COA1: variants seen among roughly 807,000 people sequenced by gnomAD.
The protein encoded by COA1 is cytochrome c oxidase assembly factor 1.
In COA1, 13 loss-of-function variants were observed where a neutral mutation model predicts 16.0. The observed-to-expected ratio is 0.81, with a 90% CI of 0.53 to 1.29. The LOEUF is 1.29. COA1 is among the 50% of genes most tolerant of loss of function. The pLI, the probability that COA1 is intolerant of heterozygous loss-of-function variation, is 0.00. For missense variants in COA1, 179 were observed against 177.0 expected, an observed-to-expected ratio of 1.01 and a Z score of -0.06; for synonymous variants, 65 against 65.7, an observed-to-expected ratio of 0.99 and a Z score of 0.05.
chr7:43,668,895 T>C (rs2190582), intron 1 of COA1, among the ~76,000 whole-genome samples: 22,345 of 152,232 alleles, frequency 0.15, 2,188 homozygotes, highest in Non-Finnish European at 0.21. Context: ...CTATTTGCAA[T>C]AGGGTTATAC....
rs2084665581 is a variant in COA1, at chr7:43,627,281, TG to T, written c.*133+12167del. Among the ~76,000 whole-genome samples the T allele has an allele frequency of 3.3e-5, 5 of 152,302 alleles. No individual in the cohort carries two copies. The South Asian group carries it at 1.0e-3, about 32-fold the overall frequency. On this transcript the variant is annotated intron_variant and NMD_transcript_variant, in intron 6 of 6. Transcript: ENST00000415076. ...GGTAATTAATACCTTTCTCTAGTAG[TG>T]GTATAGAGGAAGGACAGATGCTCAT...
At chr7:43,725,900 C>T (rs527839609) in intron 1 of COA1, among the ~76,000 whole-genome samples, 2 of 150,684 alleles carry the variant, frequency 1.3e-5, no homozygotes, top group African/African-American at 4.9e-5. Flanking sequence ...TATATTACTA[C>T]TACTGCCTTT....
intron 1 of COA1, among the ~76,000 whole-genome samples, chr7:43,684,321 G>A (rs185549393): frequency 9.9e-5 from 15 of 152,252 alleles, no homozygotes; most frequent in Admixed American, 1.3e-4. Flanking sequence ...CCTGCTGTGC[G>A]GCCGGGAGTG....
intron 6 of COA1, chr7:43,625,176 C>CTAGTAAA (rs2084372407): frequency 9.9e-6 from 2 of 201,706 alleles, no homozygotes; most frequent in South Asian, 2.3e-4. Context: ...GTAAAAGTGC[C>CTAGTAAA]AAAACTACAC....
chr7:43,642,699 T>C (rs2087509699), intron 4 of COA1, among the ~76,000 whole-genome samples: 1 of 152,214 alleles, frequency 6.6e-6, no homozygotes, highest in Admixed American at 6.5e-5. Flanking sequence ...GATGTGACAC[T>C]TTACAGGTTG....
intron 6 of COA1, among the ~76,000 whole-genome samples, chr7:43,611,165 T>C (rs1346399055): frequency 3.9e-5 from 6 of 152,236 alleles, no homozygotes; most frequent in Non-Finnish European, 7.3e-5. Context: ...GGTTGACTTC[T>C]ACAGCAAACT....
At chr7:43,619,801 C>T (rs888622709) in intron 6 of COA1, 2 of 1,504,840 alleles carry the variant, frequency 1.3e-6, no homozygotes, top group South Asian at 1.3e-5. Context: ...TGGCATGACT[C>T]ATAGTGGAGC....
intron 1 of COA1, among the ~76,000 whole-genome samples, chr7:43,655,757 A>G (rs1188019967): frequency 6.6e-6 from 1 of 152,102 alleles, no homozygotes; most frequent in Non-Finnish European, 1.5e-5. Flanking sequence ...AATTAATCCA[A>G]CTGGCTGTAT....
At chr7:43,623,628 T>C in intron 6 of COA1, 1 of 1,609,062 alleles carries the variant, frequency 6.2e-7, no homozygotes, top group Non-Finnish European at 8.5e-7. Context: ...GTGGTAAGAG[T>C]TATTAATGAA....
chr7:43,671,970 A>G (rs2093291183), intron 1 of COA1, among the ~76,000 whole-genome samples: 1 of 152,084 alleles, frequency 6.6e-6, no homozygotes, highest in Non-Finnish European at 1.5e-5. Flanking sequence ...TTTATAAATT[A>G]CCCAGTTTTG....
At chr7:43,656,701 CA>C (rs761659929) in intron 1 of COA1, among the ~76,000 whole-genome samples, 1 of 151,566 alleles carries the variant, frequency 6.6e-6, no homozygotes, top group Non-Finnish European at 1.5e-5. Context: ...TCTCAAAAAA[CA>C]AAAAAACAAA....
chr7:43,632,013 G>C (rs945787472), intron 6 of COA1: 2 of 152,230 alleles, frequency 1.3e-5, no homozygotes, highest in African/African-American at 2.4e-5. Context: ...CAACAGTGAA[G>C]TTTGCTGCAT....
rs750977139 is a variant in COA1, at chr7:43,624,595, T to C, written c.*133+14854A>G. The stretch of plus-strand genomic sequence containing the variant: ...AGTATTCAAGAGCCTTCTTTCAGGA[T>C]GGAAAAGGCACTAGAAGAAGCAAAT... On this transcript the variant is annotated intron_variant and NMD_transcript_variant, in intron 6 of 6. Coordinates refer to the COA1 transcript ENST00000415076. 10 of 1,613,970 alleles carry C rather than the reference T, an allele frequency of 6.2e-6. No homozygotes were observed. In the Admixed American group the frequency reaches 1.0e-4, roughly 16 times the overall value.
chr7:43,647,460 A>G (rs1436495855), intron 3 of COA1, 75 bp downstream of exon 3: 1 of 997,030 alleles, frequency 1.0e-6, no homozygotes, highest in African/African-American at 1.6e-5. Flanking sequence ...AAAGCATCTC[A>G]AGTATTTCCT....
chr7:43,653,984 A>T (rs1207182328), intron 1 of COA1, among the ~76,000 whole-genome samples: 1 of 152,214 alleles, frequency 6.6e-6, no homozygotes, highest in Non-Finnish European at 1.5e-5. Flanking sequence ...AAGAAAAGAC[A>T]GAAAGTAGGG....
chr7:43,715,772 T>C (rs1185322486), intron 1 of COA1, among the ~76,000 whole-genome samples: 3 of 152,130 alleles, frequency 2.0e-5, no homozygotes, highest in Admixed American at 2.0e-4. Context: ...AGAATAACAC[T>C]ACCTGATATG....
chr7:43,691,410 A>G (rs1356048540), intron 1 of COA1, among the ~76,000 whole-genome samples: 1 of 120,790 alleles, frequency 8.3e-6, no homozygotes, highest in African/African-American at 3.2e-5. Flanking sequence ...GAAGGAAGGA[A>G]GGAAGAAAGA....
chr7:43,648,573 G>A (rs775773165), intron 2 of COA1, 27 bp downstream of exon 2: 1 of 1,613,216 alleles, frequency 6.2e-7, no homozygotes, highest in Non-Finnish European at 8.5e-7. Context: ...TTCTAGTGGG[G>A]AACTTGGCCC....
At chr7:43,728,068 G>A (rs1264735383) in intron 1 of COA1, among the ~76,000 whole-genome samples, 1 of 150,598 alleles carries the variant, frequency 6.6e-6, no homozygotes, top group African/African-American at 2.4e-5. Context: ...TCCACCTCCC[G>A]GGTTCACACC....
Sources: allele counts gnomAD v4.1 joint callset (sites outside exome capture counted in the v4.1 genomes callset), GRCh38; gene constraint gnomAD v4.1.1; transcripts MANE v1.5; gene names NCBI Gene and HGNC (gene_info 2026-07-23, HGNC 2026-07-21).